The following CDIN1 variants were observed in gnomAD, a reference collection of about 807,000 sequenced individuals.
CDIN1 encodes CDAN1-interacting nuclease 1.
In CDIN1, 33 loss-of-function variants were observed where a neutral mutation model predicts 45.3. The ratio of observed to expected loss-of-function variants is 0.73; its 90% CI spans 0.55 to 0.97. CDIN1 has a LOEUF of 0.97. Ranked by LOEUF, CDIN1 falls within the 50% of genes least tolerant of loss-of-function variation. The pLI is 0.00. For synonymous variants in CDIN1, 118 were observed against 124.4 expected, an observed-to-expected ratio of 0.95 and a Z score of 0.34; for missense variants, 303 against 339.4, an observed-to-expected ratio of 0.89 and a Z score of 0.84.
intron 10 of CDIN1, among the ~76,000 whole-genome samples, chr15:36,767,300 A>G (rs1486607795): frequency 6.6e-6 from 1 of 152,132 alleles, no homozygotes; most frequent in Non-Finnish European, 1.5e-5. Flanking sequence ...TCTGTTCCCT[A>G]TGTAATGTAG....
chr15:36,660,830 A>G (rs1263612591), intron 5 of CDIN1, among the ~76,000 whole-genome samples: 2 of 152,226 alleles, frequency 1.3e-5, no homozygotes, highest in Non-Finnish European at 2.9e-5. Flanking sequence ...TGCCTTGGCC[A>G]TCATCCTATG....
rs181683122 is a variant in CDIN1 at position 36,677,785 on chromosome 15, A to G, written c.347-13900A>G. The stretch of plus-strand genomic sequence containing the variant: ...GAACCAGGCCTCAAAGTTTTAGCCA[A>G]AGGAAAGTCAGGAAAAAAAATTCCA... On this transcript the variant is annotated intron_variant, in intron 5 of 10. Transcript: ENST00000566621. Among the ~76,000 whole-genome samples, 967 of 152,288 alleles carry G rather than the reference A, an allele frequency of 6.3e-3. 16 individuals carry two copies. The highest frequency in any genetic ancestry group is 0.021 in the African/African-American group (888 of 41,562).
At chr15:36,618,328 C>A (rs1301799995) in intron 1 of CDIN1, 1 of 675,684 alleles carries the variant, frequency 1.5e-6, no homozygotes, top group African/African-American at 1.8e-5. Context: ...AAGCATAATC[C>A]TACAGTAACT....
chr15:36,770,292 C>T (rs1245407350), intron 10 of CDIN1, among the ~76,000 whole-genome samples: 6 of 144,346 alleles, frequency 4.2e-5, no homozygotes, highest in Non-Finnish European at 6.0e-5. Context: ...GGGGAGGGAG[C>T]GAAAGAGGGA....
intron 5 of CDIN1, among the ~76,000 whole-genome samples, chr15:36,688,142 A>G (rs922419084): frequency 6.6e-6 from 1 of 152,126 alleles, no homozygotes; most frequent in African/African-American, 2.4e-5. Flanking sequence ...ATGATGAAAA[A>G]GGATAAAGTC....
chr15:36,695,682 AC>A (rs1244792513), intron 7 of CDIN1, among the ~76,000 whole-genome samples: 1 of 152,138 alleles, frequency 6.6e-6, no homozygotes, highest in African/African-American at 2.4e-5. Flanking sequence ...CTCCATCTGT[AC>A]TAAAAACACA....
intron 8 of CDIN1, chr15:36,704,184 C>A (rs62002332): frequency 0.14 from 21,206 of 152,128 alleles, 1,531 homozygotes; most frequent in East Asian, 0.25. Context: ...AGCTTCTTCA[C>A]CTCCCCTTTT....
intron 10 of CDIN1, among the ~76,000 whole-genome samples, chr15:36,800,044 T>C (rs554104328): frequency 4.3e-4 from 66 of 152,196 alleles, no homozygotes; most frequent in Non-Finnish European, 8.1e-4. Flanking sequence ...ATAATCACCA[T>C]GGAGAATTTC....
chr15:36,753,631 AAAG>A (rs1250105752), intron 10 of CDIN1, among the ~76,000 whole-genome samples: 6 of 152,048 alleles, frequency 3.9e-5, no homozygotes, highest in Non-Finnish European at 7.4e-5. Flanking sequence ...AAAAAAAAAA[AAAG>A]CAAATTTATG....
intron 1 of CDIN1, among the ~76,000 whole-genome samples, chr15:36,619,727 T>C (rs1335839790): frequency 6.6e-6 from 1 of 152,142 alleles, no homozygotes; most frequent in Non-Finnish European, 1.5e-5. Flanking sequence ...AATTAGAAAT[T>C]ACTTTTTAAA....
At chr15:36,630,299 C>T (rs761756969) in intron 1 of CDIN1, among the ~76,000 whole-genome samples, 15 of 152,220 alleles carry the variant, frequency 9.9e-5, no homozygotes, top group East Asian at 5.8e-4. Context: ...AGGACCAAGG[C>T]GCAGTTTTTT....
intron 10 of CDIN1, among the ~76,000 whole-genome samples, chr15:36,766,672 C>T (rs2053934046): frequency 6.6e-6 from 1 of 152,142 alleles, no homozygotes; most frequent in African/African-American, 2.4e-5. Flanking sequence ...GATGATTAGT[C>T]ATGCTGAGCA....
chr15:36,729,721 C>T (rs1331393918), intron 10 of CDIN1, among the ~76,000 whole-genome samples: 2 of 152,110 alleles, frequency 1.3e-5, no homozygotes, highest in African/African-American at 4.8e-5. Flanking sequence ...AAAAGTTGTC[C>T]TTCCCCCACT....
intron 10 of CDIN1, 22 bp downstream of exon 10, chr15:36,709,983 T>C: frequency 6.4e-7 from 1 of 1,557,596 alleles, no homozygotes; most frequent in Non-Finnish European, 8.8e-7. Flanking sequence ...TTATTTTTCT[T>C]TTAAGATAAA....
intron 5 of CDIN1, among the ~76,000 whole-genome samples, chr15:36,685,657 T>C (rs1157591950): frequency 6.6e-6 from 1 of 152,076 alleles, no homozygotes; most frequent in African/African-American, 2.4e-5. Context: ...CTCAACCTAC[T>C]CATCTGACAA....
intron 10 of CDIN1, among the ~76,000 whole-genome samples, chr15:36,749,111 C>A (rs2053387610): frequency 6.6e-6 from 1 of 152,070 alleles, no homozygotes; most frequent in Non-Finnish European, 1.5e-5. Flanking sequence ...ATTACTGTTC[C>A]AAAAAACCCC....
At chr15:36,706,597 A>G (rs1225947620) in intron 8 of CDIN1, 1 of 151,390 alleles carries the variant, frequency 6.6e-6, no homozygotes, top group Non-Finnish European at 1.5e-5. Context: ...TGGGCGACAG[A>G]GCAAGACTTC....
intron 10 of CDIN1, among the ~76,000 whole-genome samples, chr15:36,734,571 G>C (rs1045581091): frequency 2.6e-5 from 4 of 151,914 alleles, no homozygotes; most frequent in Non-Finnish European, 4.4e-5. Flanking sequence ...AGCTTACATC[G>C]TCACCTCAGC....
chr15:36,805,910 G>A (rs12592147), intron 10 of CDIN1, among the ~76,000 whole-genome samples: 3 of 152,204 alleles, frequency 2.0e-5, no homozygotes, highest in South Asian at 2.1e-4. Flanking sequence ...ATTTGAAAGC[G>A]TATCAATCTC....
Sources: allele counts gnomAD v4.1 joint callset (sites outside exome capture counted in the v4.1 genomes callset), GRCh38; gene constraint gnomAD v4.1.1; transcripts MANE v1.5; gene names NCBI Gene and HGNC (gene_info 2026-07-23, HGNC 2026-07-21).